Variants in SMAD5 observed in about 807,000 individuals in gnomAD.
SMAD5 encodes MAD, mothers against decapentaplegic homolog 5.
Under a neutral mutation model 43.1 loss-of-function variants are expected in SMAD5, and 9 were observed. The ratio of observed to expected loss-of-function variants is 0.21; its 90% CI spans 0.13 to 0.36. The LOEUF (loss-of-function observed/expected upper bound fraction) is 0.36, where lower values mean the gene tolerates loss of function less well. Among genes scored for constraint, SMAD5 ranks in the 10% least tolerant of loss-of-function variants. The pLI, the probability that SMAD5 is intolerant of heterozygous loss-of-function variation, is 1.00. For missense variants in SMAD5, 348 were observed against 574.0 expected (o/e 0.61, Z 4.02); for synonymous variants, 190 against 192.4 (o/e 0.99, Z 0.10).
chr5:136,149,369 A>G (rs1753372756), intron 2 of SMAD5, among the ~76,000 whole-genome samples: 1 of 151,820 alleles, frequency 6.6e-6, no homozygotes, highest in Non-Finnish European at 1.5e-5. Context: ...ATAGGGATCT[A>G]TGTTTAGCGT....
intron 1 of SMAD5, among the ~76,000 whole-genome samples, chr5:136,140,022 T>TC (rs891294435): frequency 2.7e-5 from 4 of 147,714 alleles, no homozygotes; most frequent in Non-Finnish European, 6.0e-5. Context: ...CCAGGATAAC[T>TC]CTTTTTTTTT....
rs78360798 is a variant in SMAD5 at position 136,141,531 on chromosome 5, A to G, written c.-244-6301A>G. Among the ~76,000 whole-genome samples, 227 of 152,304 alleles carry G rather than the reference A, an allele frequency of 1.5e-3. 3 individuals carry two copies. Among genetic ancestry groups the G allele is most frequent in the African/African-American group, 5.2e-3 (215 of 41,556 alleles). On this transcript the variant is annotated intron_variant, in intron 1 of 7. Coordinates refer to ENST00000545279, the MANE Select transcript of SMAD5 (RefSeq NM_005903.7). ...TGCTATTCCCACTCTTCACTCATAT[A>G]GTACCTTTGTATGGGACTTAGAAAA...
chr5:136,165,133 A>T (rs896929518), intron 5 of SMAD5, among the ~76,000 whole-genome samples: 11 of 151,748 alleles, frequency 7.2e-5, no homozygotes, highest in African/African-American at 2.4e-4. Flanking sequence ...GTTTTGTTTT[A>T]TTTTTAATTT....
chr5:136,143,970 CTTT>C (rs1344374850), intron 1 of SMAD5, among the ~76,000 whole-genome samples: 1 of 151,986 alleles, frequency 6.6e-6, no homozygotes, highest in Non-Finnish European at 1.5e-5. Context: ...TTATACTGTT[CTTT>C]CTGTTCCATG....
chr5:136,169,152 A>C (rs1380366690), intron 5 of SMAD5, among the ~76,000 whole-genome samples: 1 of 152,162 alleles, frequency 6.6e-6, no homozygotes, highest in African/African-American at 2.4e-5. Context: ...CTGGCAAACC[A>C]CTAGTCTAAG....
chr5:136,159,708 A>G (rs146962167), intron 3 of SMAD5, among the ~76,000 whole-genome samples: 1 of 152,238 alleles, frequency 6.6e-6, no homozygotes, highest in Non-Finnish European at 1.5e-5. Flanking sequence ...AGTTGTTAAC[A>G]CACAGTAGAA....
chr5:136,157,379 A>G (rs1753673327), intron 3 of SMAD5, among the ~76,000 whole-genome samples: 1 of 152,174 alleles, frequency 6.6e-6, no homozygotes, highest in Admixed American at 6.5e-5. Context: ...TTCATGGAAG[A>G]CAGTCTTTCC....
intron 1 of SMAD5, among the ~76,000 whole-genome samples, chr5:136,141,140 T>C (rs781775548): frequency 1.4e-4 from 22 of 152,130 alleles, no homozygotes; most frequent in South Asian, 4.2e-4. Flanking sequence ...AGCTAAAAAT[T>C]AGTGGCCAGG....
chr5:136,173,208 A>G (rs1388233308), intron 6 of SMAD5, among the ~76,000 whole-genome samples: 2 of 137,786 alleles, frequency 1.5e-5, no homozygotes, highest in Non-Finnish European at 3.1e-5. Flanking sequence ...ATAAGGTTTT[A>G]TTAATAATTC....
chr5:136,173,258 A>G (rs1267131434), intron 6 of SMAD5, among the ~76,000 whole-genome samples: 2 of 152,196 alleles, frequency 1.3e-5, no homozygotes, highest in Admixed American at 6.5e-5. Context: ...GGCCCTTTTC[A>G]TACTGCAATA....
intron 1 of SMAD5, among the ~76,000 whole-genome samples, chr5:136,140,141 G>T (rs1753025242): frequency 6.6e-6 from 1 of 151,278 alleles, no homozygotes; most frequent in African/African-American, 2.4e-5. Flanking sequence ...TCCTTCCTCA[G>T]CCTCCCAAGT....
chr5:136,142,032 C>T (rs6596286), intron 1 of SMAD5, among the ~76,000 whole-genome samples: 54,183 of 151,956 alleles, frequency 0.36, 10,541 homozygotes, highest in African/African-American at 0.53. Flanking sequence ...GTGAAAAGTA[C>T]ACCTAACCCC....
At chr5:136,168,304 A>G (rs1754087848) in intron 5 of SMAD5, among the ~76,000 whole-genome samples, 1 of 152,200 alleles carries the variant, frequency 6.6e-6, no homozygotes, top group Admixed American at 6.5e-5. Flanking sequence ...CCAGTATTTT[A>G]TATTGTGTAT....
intron 1 of SMAD5, among the ~76,000 whole-genome samples, chr5:136,147,050 T>G (rs1295897199): frequency 6.6e-6 from 1 of 151,668 alleles, no homozygotes; most frequent in African/African-American, 2.4e-5. Flanking sequence ...GGTATGATTA[T>G]AGGTGAGTAT....
chr5:136,174,500 T>G lies in SMAD5; in HGVS notation c.1122T>G (p.Ile374Met), dbSNP rs968024594. The change falls in exon 7 of 8, where the codon ATT (isoleucine) becomes ATG (methionine). Residue 374 changes from isoleucine to methionine, a missense_variant. This residue lies in a region of SMAD5 where 97 missense variants were observed against 211.8 expected (regional missense o/e 0.46). Transcript: ENST00000545279. Reference protein sequence around the residue: ...HGFHPTTVCKIPSSCSLKIFN... With the variant: ...HGFHPTTVCKMPSSCSLKIFN... ...TTCATCCCACCACTGTCTGTAAGATTCCCAGCAGCTGCAGCCTCAAAATTT... is the reference window on the plus strand; with the variant it reads ...TTCATCCCACCACTGTCTGTAAGATGCCCAGCAGCTGCAGCCTCAAAATTT... 1 of 1,613,954 alleles carries G rather than the reference T, an allele frequency of 6.2e-7. No homozygotes were observed. Among genetic ancestry groups the G allele is most frequent in the African/African-American group, 1.3e-5 (1 of 75,040 alleles).
At chr5:136,140,712 C>T (rs1048001606) in intron 1 of SMAD5, among the ~76,000 whole-genome samples, 1 of 151,618 alleles carries the variant, frequency 6.6e-6, no homozygotes, top group Non-Finnish European at 1.5e-5. Context: ...GTCCACCTTC[C>T]CCTGTTTTAA....
At chr5:136,144,879 A>G (rs1186193816) in intron 1 of SMAD5, among the ~76,000 whole-genome samples, 1 of 151,898 alleles carries the variant, frequency 6.6e-6, no homozygotes, top group East Asian at 1.9e-4. Context: ...TCTTTTTGAG[A>G]CAGAAGGAAA....
chr5:136,175,024 G>T (rs183776462), intron 7 of SMAD5, among the ~76,000 whole-genome samples: 26 of 152,246 alleles, frequency 1.7e-4, no homozygotes, highest in Non-Finnish European at 3.1e-4. Flanking sequence ...GGCTGGGGAA[G>T]CCTCACAATC....
In SMAD5 at chr5:136,136,009, G is replaced by A. The variant is rs373744603; in HGVS notation, c.-245+3047G>A. Among the ~76,000 whole-genome samples the A allele has an allele frequency of 1.6e-4, 24 of 152,306 alleles. 1 individual carries two copies. The highest frequency in any genetic ancestry group is 5.8e-4 in the African/African-American group (24 of 41,568). On this transcript the variant is annotated intron_variant, in intron 1 of 7. Transcript: ENST00000545279. ...TTCCCTTTTATAAGGGATACTAGTAGCCTGAGGAATGATTCTTGTCTCCAC... is the reference window on the plus strand; with the variant it reads ...TTCCCTTTTATAAGGGATACTAGTAACCTGAGGAATGATTCTTGTCTCCAC...
Sources: allele counts gnomAD v4.1 joint callset (sites outside exome capture counted in the v4.1 genomes callset), GRCh38; gene constraint gnomAD v4.1.1; regional missense constraint gnomAD v4.1.1; transcripts MANE v1.5; gene names NCBI Gene and HGNC (gene_info 2026-07-23, HGNC 2026-07-21).